Variants in CFAP44 observed in about 807,000 individuals in gnomAD.
CFAP44 encodes the protein cilia- and flagella-associated protein 44.
Under a neutral mutation model 216.2 loss-of-function variants are expected in CFAP44, and 134 were observed. That is an observed-to-expected ratio of 0.62 (90% confidence interval 0.54 to 0.72). The LOEUF (loss-of-function observed/expected upper bound fraction) is 0.72. CFAP44 is among the 30% of genes least tolerant of loss of function. The pLI, the probability that CFAP44 is intolerant of heterozygous loss-of-function variation, is 0.00. For synonymous variants in CFAP44, 700 were observed against 727.6 expected (o/e 0.96, Z 0.61); for missense variants, 2,035 against 2,182.1 (o/e 0.93, Z 1.34).
At position 113,389,055 on chromosome 3, in the gene CFAP44, C is replaced by T. The variant is rs377098363; in HGVS notation, c.1890+6695G>A. ...ATAGATATTTATAGAACTTTTTATC[C>T]AATGGCTGCAGAATACACATTATTC... On this transcript the variant is annotated intron_variant, in intron 15 of 34. Transcript: ENST00000393845. Among the ~76,000 whole-genome samples the T allele has an allele frequency of 2.6e-5, 4 of 152,168 alleles. No individual in the cohort carries two copies. In the East Asian group the frequency reaches 5.8e-4, roughly 22 times the overall value.
rs60590429 is a variant in CFAP44 at position 113,341,729 on chromosome 3, T to TAA, written c.3437+13_3437+14dup. Reference sequence around the variant, plus strand: ...CATATTAAAAAGATAAGAGTTTAGGTAAAAAAAAACTCACAGTTCCTCCCA... The same window carrying TAA: ...CATATTAAAAAGATAAGAGTTTAGGTAAAAAAAAAAACTCACAGTTCCTCCCA... On this transcript the variant is annotated intron_variant, in intron 24 of 34. Coordinates refer to ENST00000393845, the MANE Select transcript of CFAP44 (RefSeq NM_001164496.2). 45 of 1,454,616 alleles carry TAA rather than the reference T, an allele frequency of 3.1e-5. No individual in the cohort carries two copies. Among genetic ancestry groups the TAA allele is most frequent in the Middle Eastern group, 1.9e-4 (1 of 5,154 alleles). The allele number at this position is 1,454,616 out of a possible 1,614,324, so 90.1% of individuals were successfully genotyped here. A position where few individuals can be genotyped will look rare whatever the true frequency, so the allele number is the denominator to read the frequency against.
At chr3:113,312,059 C>G (rs967613405) in intron 28 of CFAP44, among the ~76,000 whole-genome samples, 3 of 145,740 alleles carry the variant, frequency 2.1e-5, no homozygotes, top group Non-Finnish European at 4.5e-5. Context: ...TTGTGTGTGT[C>G]TGTGTGTGTG....
chr3:113,388,920 C>T (rs531388042), intron 15 of CFAP44, among the ~76,000 whole-genome samples: 1 of 152,238 alleles, frequency 6.6e-6, no homozygotes, highest in South Asian at 2.1e-4. Flanking sequence ...CCCAATACAA[C>T]AATAGCTGGA....
At chr3:113,296,985 T>C (rs1949888027) in intron 32 of CFAP44, 100 bp from the exon 33 acceptor site, 1 of 1,354,930 alleles carries the variant, frequency 7.4e-7, no homozygotes. Flanking sequence ...TTTTGCAAGA[T>C]GATGAAAGAT....
At position 113,410,462 on chromosome 3, in the gene CFAP44, T is replaced by G. The variant is rs374186043; in HGVS notation, c.674-1140A>C. ...TGGTTTCCAGCTTCACCCATGTCCCTGCAAAGGACATGAACTCATCCTTTT... is the reference window on the plus strand; with the variant it reads ...TGGTTTCCAGCTTCACCCATGTCCCGGCAAAGGACATGAACTCATCCTTTT... On this transcript the variant is annotated intron_variant, in intron 6 of 34. Coordinates refer to ENST00000393845, the MANE Select transcript of CFAP44 (RefSeq NM_001164496.2). Among the ~76,000 whole-genome samples the G allele has an allele frequency of 1.2e-4, 18 of 152,346 alleles. No individual in the cohort carries two copies. The East Asian group carries it at 2.9e-3, about 25-fold the overall frequency.
At chr3:113,403,771 CCTTT>C in intron 9 of CFAP44, 77 bp downstream of exon 9, 1 of 1,453,116 alleles carries the variant, frequency 6.9e-7, no homozygotes, top group Non-Finnish European at 9.2e-7. Flanking sequence ...CACAAAATAA[CCTTT>C]ATGAGAAATA....
chr3:113,407,328 T>G (rs766560220), intron 7 of CFAP44, among the ~76,000 whole-genome samples: 5 of 152,236 alleles, frequency 3.3e-5, no homozygotes, highest in Non-Finnish European at 7.3e-5. Context: ...TGTGTGACTA[T>G]TTAAATTTAG....
intron 3 of CFAP44, 135 bp from the exon 4 acceptor site, chr3:113,426,412 G>A: frequency 2.3e-6 from 2 of 863,458 alleles, no homozygotes; most frequent in South Asian, 1.8e-5. Context: ...GAATCACAGG[G>A]GCTGTTACCT....
At chr3:113,415,334 T>C (rs554526154) in intron 6 of CFAP44, among the ~76,000 whole-genome samples, 22 of 152,180 alleles carry the variant, frequency 1.4e-4, no homozygotes, top group Non-Finnish European at 2.8e-4. Flanking sequence ...CATTGATTTT[T>C]TTGGAGGGTT....
At chr3:113,305,590 A>G (rs996791471) in intron 30 of CFAP44, among the ~76,000 whole-genome samples, 5 of 152,220 alleles carry the variant, frequency 3.3e-5, no homozygotes, top group Admixed American at 2.6e-4. Flanking sequence ...CATGTCCTAG[A>G]AAACCTGAAA....
chr3:113,310,794 C>G (rs1950030627), intron 28 of CFAP44, among the ~76,000 whole-genome samples: 1 of 152,092 alleles, frequency 6.6e-6, no homozygotes, highest in African/African-American at 2.4e-5. Context: ...ATCATGAGAG[C>G]TGGTTGTTTT....
At chr3:113,406,074 T>C (rs1432275737) in intron 8 of CFAP44, among the ~76,000 whole-genome samples, 1 of 152,214 alleles carries the variant, frequency 6.6e-6, no homozygotes, top group African/African-American at 2.4e-5. Context: ...AAAATATTGA[T>C]AGAGAACTAA....
chr3:113,304,476 G>C (rs577186125), intron 31 of CFAP44, among the ~76,000 whole-genome samples: 2 of 152,304 alleles, frequency 1.3e-5, no homozygotes, highest in African/African-American at 4.8e-5. Flanking sequence ...TCTTGTTGTT[G>C]TTGTTTTCCT....
At chr3:113,326,302 C>T (rs75935769) in intron 28 of CFAP44, 143 bp downstream of exon 28, 24,995 of 691,720 alleles carry the variant, frequency 0.036, 637 homozygotes, top group East Asian at 0.1. Flanking sequence ...AGGTTTATGT[C>T]TTCTCCTCTT....
At chr3:113,347,670 T>C (rs2107825171) in intron 22 of CFAP44, among the ~76,000 whole-genome samples, 1 of 152,310 alleles carries the variant, frequency 6.6e-6, no homozygotes, top group South Asian at 2.1e-4. Context: ...CAAGCGGGCC[T>C]AACAAAAGCT....
At chr3:113,410,971 C>T (rs963501495) in intron 6 of CFAP44, among the ~76,000 whole-genome samples, 1 of 152,072 alleles carries the variant, frequency 6.6e-6, no homozygotes, top group South Asian at 2.1e-4. Context: ...CTGTTCATAT[C>T]CTTCACCCAC....
chr3:113,334,803 T>G (rs1194022966), intron 24 of CFAP44, among the ~76,000 whole-genome samples: 1 of 152,196 alleles, frequency 6.6e-6, no homozygotes, highest in East Asian at 1.9e-4. Flanking sequence ...TTGGAAGCAC[T>G]CAGGTATCTA....
chr3:113,392,404 G>GGT (rs1933867382), intron 15 of CFAP44, among the ~76,000 whole-genome samples: 1 of 151,956 alleles, frequency 6.6e-6, no homozygotes, highest in South Asian at 2.1e-4. Flanking sequence ...AGCTTAGAAG[G>GGT]GTGGTGGGTG....
Position 113,401,751 on chromosome 3 carries a change from A to G in CFAP44, c.1171-12T>C. The G allele has an allele frequency of 6.3e-7, 1 of 1,590,458 alleles. No homozygotes were observed. The highest frequency in any genetic ancestry group is 8.5e-7 in the Non-Finnish European group (1 of 1,170,470). On this transcript the variant is annotated splice_polypyrimidine_tract_variant and intron_variant, in intron 9 of 34. Transcript: ENST00000393845. ...TCAAAATCCCATATCTTGTAAAATGAAAAGAAAATACTTTAATCGATCAGT... is the reference window on the plus strand; with the variant it reads ...TCAAAATCCCATATCTTGTAAAATGGAAAGAAAATACTTTAATCGATCAGT...
Sources: allele counts gnomAD v4.1 joint callset (sites outside exome capture counted in the v4.1 genomes callset), GRCh38; gene constraint gnomAD v4.1.1; transcripts MANE v1.5; gene names NCBI Gene and HGNC (gene_info 2026-07-23, HGNC 2026-07-21).